Variants in BCAS3 observed in about 807,000 individuals in gnomAD.
BCAS3 encodes BCAS4/BCAS3 fusion.
Under a neutral mutation model 116.1 loss-of-function variants are expected in BCAS3, and 53 were observed. The observed-to-expected ratio is 0.46, with a 90% confidence interval of 0.37 to 0.57. BCAS3 has a LOEUF of 0.57. Among genes scored for constraint, BCAS3 ranks in the 20% least tolerant of loss-of-function variants. The probability of loss-of-function intolerance (pLI) is 0.00; values close to 1 mark genes in which losing one functional copy is unlikely to be tolerated. For missense variants in BCAS3, 917 were observed against 1,165.4 expected (o/e 0.79, Z 3.10); for synonymous variants, 391 against 408.2 (o/e 0.96, Z 0.51).
chr17:60,960,124 A>G lies in BCAS3; in HGVS notation c.1221+12772A>G, dbSNP rs563007224. Among the ~76,000 whole-genome samples, 1 of 152,196 alleles carries G rather than the reference A, an allele frequency of 6.6e-6. No individual in the cohort carries two copies. The highest frequency in any genetic ancestry group is 2.1e-4 in the South Asian group (1 of 4,828). On this transcript the variant is annotated intron_variant, in intron 14 of 23. Coordinates refer to ENST00000407086, the MANE Select transcript of BCAS3 (RefSeq NM_017679.5). The surrounding 1 kb of genome is among the most constrained non-coding windows in gnomAD (Gnocchi z 4.1). ...GATGTGGACATGTCTTTTGGGGGCT[A>G]TAATTCACTTCTCTGTATTCTATCC...
chr17:61,160,916 A>C (rs1466314141), intron 22 of BCAS3, among the ~76,000 whole-genome samples: 2 of 152,148 alleles, frequency 1.3e-5, no homozygotes, highest in African/African-American at 4.8e-5. Context: ...CTGACCCACA[A>C]ATGTAACCAA....
chr17:60,727,798 T>C (rs1466718965), intron 5 of BCAS3, among the ~76,000 whole-genome samples: 1 of 151,604 alleles, frequency 6.6e-6, no homozygotes, highest in Non-Finnish European at 1.5e-5. Context: ...TTTTTGGTGG[T>C]ATACTTTTTT....
chr17:60,703,555 T>C (rs1256010158), intron 4 of BCAS3, among the ~76,000 whole-genome samples: 1 of 148,280 alleles, frequency 6.7e-6, no homozygotes, highest in Non-Finnish European at 1.5e-5. Flanking sequence ...GAGTGAAACC[T>C]TGTCTCAAAA....
rs7211905 is a variant in BCAS3, at chr17:61,354,886, G to A, written c.2426-13441G>A. 151,355 of 152,432 alleles carry A rather than the reference G, an allele frequency of 0.99. 75,155 individuals are homozygous for A. Among genetic ancestry groups the A allele is most frequent in the East Asian group, 1 (5,182 of 5,182 alleles). 9.4% of individuals were successfully genotyped at this position (152,432 alleles called of 1,614,324 possible). A position where few individuals can be genotyped will look rare whatever the true frequency, so the allele number is the denominator to read the frequency against. The stretch of plus-strand genomic sequence containing the variant: ...TATCAAACGGGTCAACTCCAGTACC[G>A]GCAGGCACATCCGGGACCCTCCCCT... On this transcript the variant is annotated intron_variant, in intron 22 of 23. Coordinates refer to ENST00000407086, the MANE Select transcript of BCAS3 (RefSeq NM_017679.5). This position sits in a 1 kb window ranked among gnomAD's most constrained non-coding sequence, Gnocchi z 4.5.
chr17:61,086,045 C>A (rs2073067168), intron 22 of BCAS3, among the ~76,000 whole-genome samples: 1 of 152,090 alleles, frequency 6.6e-6, no homozygotes, highest in Non-Finnish European at 1.5e-5. Flanking sequence ...TAAAAGTAGA[C>A]ATATTCAATA....
rs755134923 is a variant in BCAS3, at chr17:61,204,116, G to C, written c.2425+119552G>C. On this transcript the variant is annotated intron_variant, in intron 22 of 23. Transcript: ENST00000407086. This position sits in a 1 kb window ranked among gnomAD's most constrained non-coding sequence, Gnocchi z 4.2. The stretch of plus-strand genomic sequence containing the variant: ...ACTCTTCATCCTCCTCAGCTCACCA[G>C]AGTCACTCAGTCTCTGAGCCAAACC... 7.9e-5 allele frequency among the ~76,000 whole-genome samples: 12 copies of C among 152,144 alleles called. No homozygotes were observed. Among genetic ancestry groups the C allele is most frequent in the African/African-American group, 2.9e-4 (12 of 41,418 alleles).
intron 5 of BCAS3, among the ~76,000 whole-genome samples, chr17:60,731,162 T>A (rs932840448): frequency 1.3e-5 from 2 of 152,238 alleles, no homozygotes; most frequent in African/African-American, 2.4e-5. Context: ...GTATGATTAG[T>A]ACATGTGAAG....
Position 61,391,857 on chromosome 17 carries a change from C to G in BCAS3, c.2594-120C>G. ...ATCCAGGGAGCAGGCGGGGATCCCC[C>G]TGCGGAAGGACACAAGTGAACCCAG... On this transcript the variant is annotated intron_variant, in intron 23 of 23. Transcript: ENST00000407086. The surrounding 1 kb of genome is among the most constrained non-coding windows in gnomAD (Gnocchi z 7.7). 2 of 1,107,088 alleles carry G rather than the reference C, an allele frequency of 1.8e-6. No homozygotes were observed. Among genetic ancestry groups the G allele is most frequent in the Non-Finnish European group, 2.6e-6 (2 of 771,102 alleles). 68.6% of individuals were successfully genotyped at this position (1,107,088 alleles called of 1,614,324 possible).
chr17:60,823,184 G>C (rs552036178), intron 7 of BCAS3, among the ~76,000 whole-genome samples: 1 of 152,122 alleles, frequency 6.6e-6, no homozygotes, highest in Non-Finnish European at 1.5e-5. Flanking sequence ...GGGTAGATGT[G>C]GTAGTACTGT....
rs565577901 is a variant in BCAS3 at position 61,161,677 on chromosome 17, T to C, written c.2425+77113T>C. The stretch of plus-strand genomic sequence containing the variant: ...CTGGAAAGGTGATGTCAACGGAGGG[T>C]AGGGTGGTTGCTGGTGGAGGGGAGT... On this transcript the variant is annotated intron_variant, in intron 22 of 23. Coordinates refer to ENST00000407086, the MANE Select transcript of BCAS3 (RefSeq NM_017679.5). This position sits in a 1 kb window ranked among gnomAD's most constrained non-coding sequence, Gnocchi z 4.8. Among the ~76,000 whole-genome samples, 5 of 152,164 alleles carry C rather than the reference T, an allele frequency of 3.3e-5. No homozygotes were observed. The South Asian group carries it at 8.3e-4, about 25-fold the overall frequency.
At position 61,144,227 on chromosome 17, in the gene BCAS3, G is replaced by T. The variant is rs961718226; in HGVS notation, c.2425+59663G>T. Reference sequence around the variant, plus strand: ...AGCATGGATTTTTTTTTTAAGGAGGGTTATAGTATCCTGAAGACTTCATTT... The same window carrying T: ...AGCATGGATTTTTTTTTTAAGGAGGTTTATAGTATCCTGAAGACTTCATTT... On this transcript the variant is annotated intron_variant, in intron 22 of 23. Coordinates refer to ENST00000407086, the MANE Select transcript of BCAS3 (RefSeq NM_017679.5). This position sits in a 1 kb window ranked among gnomAD's most constrained non-coding sequence, Gnocchi z 5.0. Among the ~76,000 whole-genome samples, 2 of 151,888 alleles carry T rather than the reference G, an allele frequency of 1.3e-5. No individual in the cohort carries two copies. Among genetic ancestry groups the T allele is most frequent in the South Asian group, 2.1e-4 (1 of 4,826 alleles).
chr17:60,837,157 T>C (rs1161417219), intron 7 of BCAS3, among the ~76,000 whole-genome samples: 2 of 152,164 alleles, frequency 1.3e-5, no homozygotes, highest in African/African-American at 2.4e-5. Context: ...GAGATCAGAG[T>C]AGTTGAACTG....
chr17:60,686,088 T>TC (rs1231704643), intron 3 of BCAS3, among the ~76,000 whole-genome samples: 2 of 152,024 alleles, frequency 1.3e-5, no homozygotes, highest in African/African-American at 4.8e-5. Flanking sequence ...TAGGATGGTC[T>TC]CCATCTCCTG....
intron 22 of BCAS3, among the ~76,000 whole-genome samples, chr17:61,273,572 T>C (rs1395359746): frequency 1.3e-5 from 2 of 152,106 alleles, no homozygotes; most frequent in East Asian, 3.8e-4. Context: ...TTTTATAGTT[T>C]GTTGAGTTTC....
intron 22 of BCAS3, among the ~76,000 whole-genome samples, chr17:61,110,958 AC>A (rs1568375315): frequency 2.6e-5 from 4 of 152,022 alleles, no homozygotes; most frequent in African/African-American, 7.2e-5. Context: ...ACTGGGAGGC[AC>A]CCCCCAGCAG....
chr17:61,042,604 T>C (rs1376592731), intron 19 of BCAS3, among the ~76,000 whole-genome samples: 2 of 151,920 alleles, frequency 1.3e-5, no homozygotes, highest in Admixed American at 1.3e-4. Context: ...AAGATCATTC[T>C]GGGCTGGGCG....
At chr17:61,310,021 C>G (rs2054173055) in intron 22 of BCAS3, among the ~76,000 whole-genome samples, 1 of 152,156 alleles carries the variant, frequency 6.6e-6, no homozygotes, top group Non-Finnish European at 1.5e-5. Flanking sequence ...AGCCATGTGG[C>G]AAGAATTAGT....
chr17:60,993,809 G>C lies in BCAS3; in HGVS notation c.1486+3574G>C, dbSNP rs2063678410. ...TAAAGGAAACTGTTAAATAACAGTTGATATAGGGGTATTTCCTTTTTACTC... is the reference window on the plus strand; with the variant it reads ...TAAAGGAAACTGTTAAATAACAGTTCATATAGGGGTATTTCCTTTTTACTC... On this transcript the variant is annotated intron_variant, in intron 15 of 23. Coordinates refer to ENST00000407086, the MANE Select transcript of BCAS3 (RefSeq NM_017679.5). This position sits in a 1 kb window ranked among gnomAD's most constrained non-coding sequence, Gnocchi z 4.2. Among the ~76,000 whole-genome samples the C allele has an allele frequency of 6.6e-6, 1 of 152,072 alleles. No individual in the cohort carries two copies. The highest frequency in any genetic ancestry group is 1.5e-5 in the Non-Finnish European group (1 of 67,980).
In BCAS3 at chr17:61,007,742, C is replaced by G. The variant is rs1194076246; in HGVS notation, c.1487-8009C>G. ...AAAAGAAAGATTGGATTCTTGTTTT[C>G]AAGTCCATTTTGTGGGAGATTTCTC... On this transcript the variant is annotated intron_variant, in intron 15 of 23. Transcript: ENST00000407086. The surrounding 1 kb of genome is among the most constrained non-coding windows in gnomAD (Gnocchi z 4.3). Among the ~76,000 whole-genome samples the G allele has an allele frequency of 6.6e-6, 1 of 151,600 alleles. No individual in the cohort carries two copies. Among genetic ancestry groups the G allele is most frequent in the East Asian group, 1.9e-4 (1 of 5,172 alleles).
Sources: gnomAD v4.1 joint callset for allele counts (sites outside exome capture counted in the v4.1 genomes callset) on GRCh38, gnomAD v4.1.1 for gene constraint, Gnocchi (gnomAD v3.1) non-coding constraint, MANE v1.5 for transcripts, NCBI Gene and HGNC (gene_info 2026-07-23, HGNC 2026-07-21) for gene names.